Variants in ZNF433 observed in about 807,000 individuals in gnomAD.
The protein encoded by ZNF433 is zinc finger protein 433.
In ZNF433, 12 loss-of-function variants were observed where a neutral mutation model predicts 10.6. That is an observed-to-expected ratio of 1.13 (90% CI 0.72 to 1.83). The LOEUF (loss-of-function observed/expected upper bound fraction) is 1.83. ZNF433 is among the 40% of genes most tolerant of loss of function. ZNF433 has a pLI of 0.00. For synonymous variants in ZNF433, 272 were observed against 271.3 expected (o/e 1.00, Z -0.02); for missense variants, 737 against 798.0 (o/e 0.92, Z 0.92).
Position 12,016,488 on chromosome 19 carries a change from T to G in ZNF433, c.370A>C (p.Thr124Pro). ...TGATACTCATATGCCTTGTGTCCAG[T>G]GTCATCTCTGATGTGCCTATTAAGA... The part of the protein sequence containing the change: ...SSLNRHIRDD[T>P]GHKAYEYQEY... Residue 124 changes from threonine (T) to proline (P), a missense_variant, in exon 4 of 4, where the codon ACT becomes CCT. By Grantham distance (38) the Thr-to-Pro change is conservative. Coordinates refer to ENST00000550507, the MANE Select transcript of ZNF433 (RefSeq NM_001308348.2). 6.2e-7 allele frequency: 1 copy of G among 1,614,174 alleles called. No homozygotes were observed. Among genetic ancestry groups the G allele is most frequent in the Non-Finnish European group, 8.5e-7 (1 of 1,180,022 alleles).
chr19:12,030,771 A>G (rs1974979069), intron 1 of ZNF433, among the ~76,000 whole-genome samples: 1 of 152,210 alleles, frequency 6.6e-6, no homozygotes, highest in African/African-American at 2.4e-5. Context: ...AAAATAATAT[A>G]TTGTACATTT....
Position 12,015,640 on chromosome 19 carries a change from G to A in ZNF433, c.1218C>T (p.Phe406=). The change falls in exon 4 of 4, where the codon TTC becomes TTT. Residue 406 remains phenylalanine (F), a synonymous_variant. Transcript: ENST00000550507. ...CGKAFNSSSS[F]RYHERTHTGE... ...CAGTGTGAGTTCTTTCATGATATCG[G>A]AAGGAACTGGAAGAATTAAAGGCTT... 1 of 1,610,668 alleles carries A rather than the reference G, an allele frequency of 6.2e-7. No homozygotes were observed. Among genetic ancestry groups the A allele is most frequent in the Non-Finnish European group, 8.5e-7 (1 of 1,178,942 alleles).
At position 12,017,888 on chromosome 19, in the gene ZNF433, CT is replaced by C; in HGVS notation, c.178del (p.Arg60GlyfsTer4). On this transcript the variant is annotated frameshift_variant, in exon 3 of 4. Coordinates refer to ENST00000550507, the MANE Select transcript of ZNF433 (RefSeq NM_001308348.2). LOFTEE classifies it low-confidence loss of function (END_TRUNC). ...QNIYVEYENLRRNLRIVGERL... is the reference protein window; with the variant it reads ...QNIYVEYENLXRNLRIVGERL... ...GAGTGCAAGTTACCTTAGGTTTCTCCTTAGATTTTCGTACTCTACATATATG... is the reference window on the plus strand; with the variant it reads ...GAGTGCAAGTTACCTTAGGTTTCTCCTAGATTTTCGTACTCTACATATATG... The C allele has an allele frequency of 6.3e-7, 1 of 1,589,520 alleles. No individual in the cohort carries two copies. Among genetic ancestry groups the C allele is most frequent in the South Asian group, 1.2e-5 (1 of 85,296 alleles).
At chr19:12,026,407 A>C (rs532043131) in intron 1 of ZNF433, 1 of 298,722 alleles carries the variant, frequency 3.3e-6, no homozygotes, top group Admixed American at 4.9e-5. Context: ...ACCTGAGAAA[A>C]GCGGGACAAC....
intron 3 of ZNF433, 25 bp downstream of exon 3, chr19:12,017,851 T>G: frequency 7.0e-7 from 1 of 1,425,716 alleles, no homozygotes; most frequent in Non-Finnish European, 9.6e-7. Flanking sequence ...GAGACACACG[T>G]CTTTGTCATG....
intron 1 of ZNF433, chr19:12,026,763 T>C: frequency 4.4e-6 from 2 of 454,156 alleles, no homozygotes; most frequent in Non-Finnish European, 8.8e-6. Flanking sequence ...TATGGAGTCA[T>C]TATTGATTGT....
chr19:12,030,108 AG>A, intron 1 of ZNF433: 1 of 372,594 alleles, frequency 2.7e-6, no homozygotes, highest in Non-Finnish European at 5.1e-6. Context: ...AAAAAAAAAT[AG>A]CCATCTGCAA....
At chr19:12,028,880 G>A (rs890979480) in intron 1 of ZNF433, among the ~76,000 whole-genome samples, 13 of 152,134 alleles carry the variant, frequency 8.5e-5, no homozygotes, top group African/African-American at 2.9e-4. Flanking sequence ...TTGTGAAGAC[G>A]GGGTCTCTTT....
chr19:12,016,590 T>C lies in ZNF433; in HGVS notation c.268A>G (p.Met90Val), dbSNP rs1393990202. 1.2e-6 allele frequency: 2 copies of C among 1,614,200 alleles called. No homozygotes were observed. Among genetic ancestry groups the C allele is most frequent in the South Asian group, 2.2e-5 (2 of 91,082 alleles). ...ACTCCAGTAGTTGTTTTCTTCAGCA[T>C]GTCATCTGGAACCTGGGTCAAAATT... The part of the protein sequence containing the change: ...GEILTQVPDD[M>V]LKKTTTGVKS... Residue 90 changes from methionine to valine, a missense_variant, in exon 4 of 4, where the codon ATG (methionine) becomes GTG (valine). Transcript: ENST00000550507.
intron 1 of ZNF433, chr19:12,023,546 G>C (rs562437495): frequency 1.2e-4 from 18 of 152,270 alleles, no homozygotes; most frequent in Non-Finnish European, 1.9e-4. Flanking sequence ...ATTGATAAAT[G>C]TCCTACCTGT....
chr19:12,018,204 T>C lies in ZNF433; in HGVS notation c.92A>G (p.Asp31Gly). Residue 31 changes from aspartate (D) to glycine (G), a missense_variant, in exon 2 of 4, where the codon GAT becomes GGT. Asp to Gly is a moderately conservative substitution (Grantham distance 94, BLOSUM62 -1). Transcript: ENST00000550507. Reference protein sequence around the residue: ...LDPSQKNLCRDVMQETFRNLA... With the variant: ...LDPSQKNLCRGVMQETFRNLA... Reference sequence around the variant, plus strand: ...GTTCCTGAAGGTTTCTTGCATCACATCTCTACAGAGATTTTTCTGGGAAGG... The same window carrying C: ...GTTCCTGAAGGTTTCTTGCATCACACCTCTACAGAGATTTTTCTGGGAAGG... The C allele has an allele frequency of 6.2e-7, 1 of 1,611,814 alleles. No homozygotes were observed. The highest frequency in any genetic ancestry group is 1.7e-5 in the Admixed American group (1 of 59,400).
In ZNF433 at chr19:12,015,590, T is replaced by C. The variant is rs751402877; in HGVS notation, c.1268A>G (p.Gln423Arg). The C allele has an allele frequency of 3.7e-6, 6 of 1,613,908 alleles. No individual in the cohort carries two copies. In the South Asian group the frequency reaches 6.6e-5, roughly 18 times the overall value. Reference protein sequence around the residue: ...HTGEKPYECKQCGKAFRSASL... With the variant: ...HTGEKPYECKRCGKAFRSASL... ...GGCAGATCTGAAGGCTTTCCCACAT[T>C]GCTTACACTCGTAAGGTTTCTCTCC... is the stretch of plus-strand genomic sequence containing the variant. Residue 423 changes from glutamine to arginine, a missense_variant, in exon 4 of 4, where the codon CAA becomes CGA. Coordinates refer to ENST00000550507, the MANE Select transcript of ZNF433 (RefSeq NM_001308348.2).
Position 12,015,084 on chromosome 19 carries a change from A to G in ZNF433, c.1774T>C (p.Cys592Arg), listed in dbSNP as rs751428041. The G allele has an allele frequency of 6.2e-7, 1 of 1,614,012 alleles. No individual in the cohort carries two copies. The highest frequency in any genetic ancestry group is 1.1e-5 in the South Asian group (1 of 91,076). The change falls in exon 4 of 4, where the codon TGT becomes CGT. Residue 592 changes from cysteine (C) to arginine (R), a missense_variant. By Grantham distance (180) the Cys-to-Arg change is radical. Coordinates refer to ENST00000550507, the MANE Select transcript of ZNF433 (RefSeq NM_001308348.2). ...GAGGCACATCCAAAAGACTTCCCACACTGCTTACATTCATAGGGTTTCTCT... is the reference window on the plus strand; with the variant it reads ...GAGGCACATCCAAAAGACTTCCCACGCTGCTTACATTCATAGGGTTTCTCT... Reference protein sequence around the residue: ...TGEKPYECKQCGKSFGCASRL... With the variant: ...TGEKPYECKQRGKSFGCASRL...
chr19:12,021,782 A>G, intron 1 of ZNF433: 1 of 339,480 alleles, frequency 2.9e-6, no homozygotes, highest in South Asian at 2.2e-5. Flanking sequence ...GTGGGGAGAC[A>G]GCTGAGACTA....
At position 12,014,799 on chromosome 19, in the gene ZNF433, C is replaced by T; in HGVS notation, c.*46G>A. 7.0e-7 allele frequency: 1 copy of T among 1,433,288 alleles called. No homozygotes were observed. The highest frequency in any genetic ancestry group is 2.5e-5 in the East Asian group (1 of 40,468). 88.8% of individuals were successfully genotyped at this position (1,433,288 alleles called of 1,614,324 possible). ...ATGTTGCCCAGGCTGGTCTTGAACT[C>T]CTGGGCTTAAGCAGTCCCCCCACCT... On this transcript the variant is annotated 3_prime_UTR_variant, in exon 4 of 4. Transcript: ENST00000550507.
intron 1 of ZNF433, chr19:12,026,707 G>A (rs1461335551): frequency 2.2e-6 from 1 of 454,112 alleles, no homozygotes; most frequent in Non-Finnish European, 4.4e-6. Context: ...TACTTGTTTG[G>A]GAAGATTGCA....
At position 12,015,095 on chromosome 19, in the gene ZNF433, T is replaced by G. The variant is rs752148081; in HGVS notation, c.1763A>C (p.Glu588Ala). ...AAAAGACTTCCCACACTGCTTACAT[T>G]CATAGGGTTTCTCTCCAGTGTGAGT... ...GRTHTGEKPYECKQCGKSFGC... is the reference protein window; with the variant it reads ...GRTHTGEKPYACKQCGKSFGC... The change falls in exon 4 of 4, where the codon GAA (glutamate) becomes GCA (alanine). Residue 588 changes from glutamate to alanine, a missense_variant. Coordinates refer to ENST00000550507, the MANE Select transcript of ZNF433 (RefSeq NM_001308348.2). The G allele has an allele frequency of 1.9e-5, 31 of 1,613,964 alleles. No individual in the cohort carries two copies. The highest frequency in any genetic ancestry group is 2.4e-5 in the Non-Finnish European group (28 of 1,179,970).
chr19:12,014,719 C>T lies in ZNF433; in HGVS notation c.*126G>A, dbSNP rs2145390341. On this transcript the variant is annotated 3_prime_UTR_variant, in exon 4 of 4. Coordinates refer to ENST00000550507, the MANE Select transcript of ZNF433 (RefSeq NM_001308348.2). ...CCACGGATTTCTCAACTGCCATTAC[C>T]ACCAACTGGAAGTCTTTTTATTTAT... The T allele has an allele frequency of 1.4e-6, 1 of 735,040 alleles. No homozygotes were observed. Among genetic ancestry groups the T allele is most frequent in the Non-Finnish European group, 2.1e-6 (1 of 481,116 alleles). The allele number at this position is 735,040 out of a possible 1,614,324, so 45.5% of individuals were successfully genotyped here.
chr19:12,015,332 C>A lies in ZNF433; in HGVS notation c.1526G>T (p.Gly509Val), dbSNP rs747996560. The change falls in exon 4 of 4, where the codon GGC becomes GTC. Residue 509 changes from glycine to valine, a missense_variant. By Grantham distance (109) the Gly-to-Val change is moderately radical. Coordinates refer to ENST00000550507, the MANE Select transcript of ZNF433 (RefSeq NM_001308348.2). ...GGAGCTCGAACAGTTGAAGGATCTG[C>A]CACACTGCTTGCATTCATAGGTTTT... ...GGKTYECKQC[G>V]RSFNCSSSFR... 6 of 1,613,958 alleles carry A rather than the reference C, an allele frequency of 3.7e-6. No homozygotes were observed. In the South Asian group the frequency reaches 5.5e-5, roughly 15 times the overall value.
Sources: allele counts gnomAD v4.1 joint callset (sites outside exome capture counted in the v4.1 genomes callset), GRCh38; gene constraint gnomAD v4.1.1; transcripts MANE v1.5; gene names NCBI Gene and HGNC (gene_info 2026-07-23, HGNC 2026-07-21).